The following PARD3B variants were observed in gnomAD, a reference collection of about 807,000 sequenced individuals.
PARD3B encodes partitioning defective 3 homolog B.
A neutral mutation model predicts 130.2 loss-of-function variants in PARD3B; 103 were observed. The ratio of observed to expected loss-of-function variants is 0.79; its 90% CI spans 0.67 to 0.93. PARD3B has a LOEUF of 0.93. Ranked by LOEUF, PARD3B falls within the 40% of genes least tolerant of loss-of-function variation. The pLI, the probability that PARD3B is intolerant of heterozygous loss-of-function variation, is 0.00. For missense variants in PARD3B, 1,609 were observed against 1,499.2 expected (o/e 1.07, Z -1.21); for synonymous variants, 583 against 553.2 (o/e 1.05, Z -0.76).
intron 18 of PARD3B, among the ~76,000 whole-genome samples, chr2:205,314,313 G>T (rs919052041): frequency 6.6e-5 from 10 of 152,098 alleles, no homozygotes; most frequent in African/African-American, 2.4e-4. Context: ...GCAGCCTCCC[G>T]AGAGCCTGTG....
chr2:204,650,627 C>T (rs1057372023), intron 1 of PARD3B, among the ~76,000 whole-genome samples: 9 of 152,086 alleles, frequency 5.9e-5, no homozygotes, highest in Non-Finnish European at 1.3e-4. Context: ...GGCCATTTTC[C>T]TTAGCAAACT....
chr2:205,289,834 G>A (rs1200620645), intron 16 of PARD3B, among the ~76,000 whole-genome samples: 1 of 152,156 alleles, frequency 6.6e-6, no homozygotes, highest in Non-Finnish European at 1.5e-5. Flanking sequence ...CCCCCTCAAC[G>A]TGTGATGCCC....
chr2:204,712,257 G>A (rs2038478390), intron 2 of PARD3B, among the ~76,000 whole-genome samples: 1 of 152,120 alleles, frequency 6.6e-6, no homozygotes, highest in South Asian at 2.1e-4. Context: ...AATTGTGTTA[G>A]GACTTTACTG....
At chr2:205,509,191 C>T (rs765465906) in intron 21 of PARD3B, among the ~76,000 whole-genome samples, 6 of 151,628 alleles carry the variant, frequency 4.0e-5, no homozygotes, top group Admixed American at 6.6e-5. Flanking sequence ...TAGAAGCTGG[C>T]AATTTAGAAC....
At chr2:204,598,728 TAACA>T (rs1434865004) in intron 1 of PARD3B, among the ~76,000 whole-genome samples, 2 of 152,206 alleles carry the variant, frequency 1.3e-5, no homozygotes, top group Middle Eastern at 3.4e-3. Context: ...TTTTTCACAG[TAACA>T]AACACTCTGT....
chr2:204,994,687 G>A (rs1167826256), intron 3 of PARD3B, among the ~76,000 whole-genome samples: 5 of 151,326 alleles, frequency 3.3e-5, no homozygotes, highest in African/African-American at 1.2e-4. Flanking sequence ...GGGTGTTAAA[G>A]TCTCCCATTA....
chr2:204,580,188 A>G (rs901414768), intron 1 of PARD3B, among the ~76,000 whole-genome samples: 2 of 152,158 alleles, frequency 1.3e-5, no homozygotes, highest in Non-Finnish European at 2.9e-5. Flanking sequence ...AGAAGTAGAG[A>G]GCTTCCTTCT....
At chr2:204,807,092 C>T (rs1336129294) in intron 2 of PARD3B, among the ~76,000 whole-genome samples, 1 of 152,102 alleles carries the variant, frequency 6.6e-6, no homozygotes, top group Non-Finnish European at 1.5e-5. Context: ...GGGAACTGCC[C>T]TTTATAAAAC....
intron 15 of PARD3B, among the ~76,000 whole-genome samples, chr2:205,206,043 C>T (rs1278200736): frequency 1.3e-5 from 2 of 152,024 alleles, no homozygotes; most frequent in African/African-American, 4.8e-5. Flanking sequence ...CTTTGTACCT[C>T]TGGTAGAGTT....
chr2:205,579,356 G>T (rs1559236207), intron 22 of PARD3B, among the ~76,000 whole-genome samples: 2 of 152,062 alleles, frequency 1.3e-5, no homozygotes. Flanking sequence ...CAGAGATGAG[G>T]TCTCCCCTGT....
At chr2:204,893,269 T>A (rs1204350016) in intron 2 of PARD3B, among the ~76,000 whole-genome samples, 2 of 152,148 alleles carry the variant, frequency 1.3e-5, no homozygotes, top group Non-Finnish European at 2.9e-5. Flanking sequence ...CACTGATCAT[T>A]CCCAGGAGAG....
rs1456643140 is a variant in PARD3B, at chr2:205,530,750, C to T, written c.3181-22574C>T. Reference sequence around the variant, plus strand: ...CACATGCTTCCACTGAGGACTAAAGCAATGAAAAATATCTTCCTGGATTGG... The same window carrying T: ...CACATGCTTCCACTGAGGACTAAAGTAATGAAAAATATCTTCCTGGATTGG... On this transcript the variant is annotated intron_variant, in intron 21 of 22. Transcript: ENST00000406610. This position sits in a 1 kb window ranked among gnomAD's most constrained non-coding sequence, Gnocchi z 4.7. Among the ~76,000 whole-genome samples the T allele has an allele frequency of 6.6e-6, 1 of 152,026 alleles. No homozygotes were observed. Among genetic ancestry groups the T allele is most frequent in the Non-Finnish European group, 1.5e-5 (1 of 68,032 alleles).
intron 12 of PARD3B, 72 bp downstream of exon 12, chr2:205,172,453 G>C: frequency 6.9e-7 from 1 of 1,445,668 alleles, no homozygotes; most frequent in East Asian, 2.4e-5. Context: ...TCCATTCCTA[G>C]TATGGCAGCT....
intron 20 of PARD3B, among the ~76,000 whole-genome samples, chr2:205,457,408 G>A (rs1459477673): frequency 6.6e-6 from 1 of 151,444 alleles, no homozygotes; most frequent in Non-Finnish European, 1.5e-5. Context: ...TGTCAATCTT[G>A]TAGATTTTAG....
chr2:204,642,385 T>A (rs1405963786), intron 1 of PARD3B, among the ~76,000 whole-genome samples: 2 of 152,170 alleles, frequency 1.3e-5, no homozygotes, highest in Non-Finnish European at 1.5e-5. Context: ...AGTGTTGCTG[T>A]TTATTAGCTA....
At position 205,301,733 on chromosome 2, in the gene PARD3B, C is replaced by T; in HGVS notation, c.2630+32C>T. On this transcript the variant is annotated intron_variant, in intron 18 of 22. Coordinates refer to ENST00000406610, the MANE Select transcript of PARD3B (RefSeq NM_001302769.2). This position sits in a 1 kb window ranked among gnomAD's most constrained non-coding sequence, Gnocchi z 5.2. ...GCCTGCTTTGAAGGCAAAGTTGGTT[C>T]TCATTTTGTCTCTCCTGGTAAAATC... The T allele has an allele frequency of 1.2e-6, 2 of 1,613,858 alleles. No individual in the cohort carries two copies. The highest frequency in any genetic ancestry group is 1.7e-6 in the Non-Finnish European group (2 of 1,179,826).
chr2:204,911,855 T>A (rs2047248522), intron 2 of PARD3B, among the ~76,000 whole-genome samples: 1 of 152,230 alleles, frequency 6.6e-6, no homozygotes, highest in African/African-American at 2.4e-5. Context: ...CAATGTTGTA[T>A]ACTTTAAATA....
chr2:204,905,474 GC>G (rs1437376792), intron 2 of PARD3B, among the ~76,000 whole-genome samples: 1 of 152,150 alleles, frequency 6.6e-6, no homozygotes, highest in Non-Finnish European at 1.5e-5. Flanking sequence ...AAGAAAAATG[GC>G]TTTATCATTT....
At chr2:205,312,177 T>C (rs948952030) in intron 18 of PARD3B, among the ~76,000 whole-genome samples, 1 of 152,194 alleles carries the variant, frequency 6.6e-6, no homozygotes, top group Admixed American at 6.5e-5. Flanking sequence ...TCTTTCCAGA[T>C]AGTGATTGTA....
Sources: allele counts gnomAD v4.1 joint callset (sites outside exome capture counted in the v4.1 genomes callset), GRCh38; gene constraint gnomAD v4.1.1; non-coding constraint Gnocchi (gnomAD v3.1); transcripts MANE v1.5; gene names NCBI Gene and HGNC (gene_info 2026-07-23, HGNC 2026-07-21).